The following NLRP2 variants were observed in gnomAD, a reference collection of about 807,000 sequenced individuals.
NLRP2 encodes NACHT, LRR and PYD domains-containing protein 2.
In NLRP2, 107 loss-of-function variants were observed where a neutral mutation model predicts 97.2. That is an observed-to-expected ratio of 1.10 (90% CI 0.94 to 1.29). The LOEUF (loss-of-function observed/expected upper bound fraction) is 1.29, where lower values mean the gene tolerates loss of function less well. Ranked by LOEUF, NLRP2 falls within the 50% of genes most tolerant of loss-of-function variation. NLRP2 has a pLI of 0.00. For synonymous variants in NLRP2, 663 were observed against 551.5 expected, an observed-to-expected ratio of 1.20 and a Z score of -2.83; for missense variants, 1,495 against 1,330.3, an observed-to-expected ratio of 1.12 and a Z score of -1.93.
chr19:54,992,435 A>G (rs2072533809), intron 10 of NLRP2, among the ~76,000 whole-genome samples: 1 of 148,872 alleles, frequency 6.7e-6, no homozygotes, highest in Non-Finnish European at 1.5e-5. Flanking sequence ...AAGAAGTCCC[A>G]CAAGCAGTGA....
rs1207162274 is a variant in NLRP2, at chr19:54,970,115, T to C, written c.100T>C (p.Ser34Pro). ...GTTCAAGTATCTGATCACGACCTTCTCCCTGGCACACGAGCTCCAGAAGAT... is the reference window on the plus strand; with the variant it reads ...GTTCAAGTATCTGATCACGACCTTCCCCCTGGCACACGAGCTCCAGAAGAT... ...SKFKYLITTFSLAHELQKIPH... is the reference protein window; with the variant it reads ...SKFKYLITTFPLAHELQKIPH... The change falls in exon 2 of 13, where the codon TCC (serine) becomes CCC (proline). Residue 34 changes from serine (S) to proline (P), a missense_variant. Coordinates refer to ENST00000448584, the MANE Select transcript of NLRP2 (RefSeq NM_017852.5). 1.9e-6 allele frequency: 3 copies of C among 1,613,910 alleles called. No individual in the cohort carries two copies. The South Asian group carries it at 3.3e-5, about 18-fold the overall frequency.
rs1602317246 is a variant in NLRP2, at chr19:54,974,495, T to C, written c.281-5T>C. ...GCAAAATTTTCCCCCCTTCTCCTTT[T>C]TCAGAAGCAGCTTTGAAATCCTTTA... On this transcript the variant is annotated splice_polypyrimidine_tract_variant and splice_region_variant and intron_variant, in intron 2 of 12. Coordinates refer to ENST00000448584, the MANE Select transcript of NLRP2 (RefSeq NM_017852.5). 1 of 1,611,130 alleles carries C rather than the reference T, an allele frequency of 6.2e-7. No homozygotes were observed. The highest frequency in any genetic ancestry group is 8.5e-7 in the Non-Finnish European group (1 of 1,177,292).
In NLRP2 at chr19:54,983,497, C is replaced by A. The variant is rs1455841338; in HGVS notation, c.1799C>A (p.Thr600Lys). 1 of 1,614,196 alleles carries A rather than the reference C, an allele frequency of 6.2e-7. No homozygotes were observed. Among genetic ancestry groups the A allele is most frequent in the Admixed American group, 1.7e-5 (1 of 60,002 alleles). The change falls in exon 6 of 13, where the codon ACA becomes AAA. Residue 600 changes from threonine to lysine, a missense_variant. Physicochemically the swap from Thr to Lys is moderately conservative, Grantham distance 78. Transcript: ENST00000448584. Reference protein sequence around the residue: ...ISCKGGHSTVTDLQELLGCLY... With the variant: ...ISCKGGHSTVKDLQELLGCLY... Reference sequence around the variant, plus strand: ...TGTAAGGGTGGACATTCAACGGTGACAGACCTGCAGGAGCTCCTCGGCTGT... The same window carrying A: ...TGTAAGGGTGGACATTCAACGGTGAAAGACCTGCAGGAGCTCCTCGGCTGT...
intron 2 of NLRP2, among the ~76,000 whole-genome samples, chr19:54,970,810 T>C (rs185351045): frequency 2.5e-3 from 350 of 142,836 alleles, no homozygotes; most frequent in Non-Finnish European, 3.8e-3. Context: ...TTTTATTTTT[T>C]ATTTTATTAT....
intron 2 of NLRP2, 86 bp from the exon 3 acceptor site, chr19:54,974,414 C>A: frequency 2.1e-6 from 2 of 960,302 alleles, no homozygotes; most frequent in Non-Finnish European, 3.4e-6. Context: ...TGATCCAGTT[C>A]TAAGTGTCAT....
intron 9 of NLRP2, 49 bp downstream of exon 9, chr19:54,990,241 A>G (rs529074058): frequency 2.3e-5 from 36 of 1,581,618 alleles, no homozygotes; most frequent in Non-Finnish European, 2.3e-5. Context: ...ATCTGGGGCC[A>G]CAGACGAGCA....
chr19:54,978,093 CTGT>C (rs1602338247), intron 4 of NLRP2, among the ~76,000 whole-genome samples: 1 of 152,098 alleles, frequency 6.6e-6, no homozygotes, highest in African/African-American at 2.4e-5. Flanking sequence ...GACAGTTTCT[CTGT>C]TGGCCAGGTT....
At chr19:54,997,829 G>C (rs1263333510) in intron 12 of NLRP2, among the ~76,000 whole-genome samples, 1 of 146,088 alleles carries the variant, frequency 6.8e-6, no homozygotes, top group Non-Finnish European at 1.5e-5. Flanking sequence ...CACAATGATG[G>C]CTCGCTGCAG....
chr19:54,970,826 T>G (rs1333777713), intron 2 of NLRP2, among the ~76,000 whole-genome samples: 1 of 148,164 alleles, frequency 6.7e-6, no homozygotes, highest in Non-Finnish European at 1.5e-5. Context: ...ATTATTATTA[T>G]TTTTTTTATT....
At chr19:54,996,149 GTGAGCCAAGATGGC>G (rs1373750128) in intron 11 of NLRP2, among the ~76,000 whole-genome samples, 1 of 152,004 alleles carries the variant, frequency 6.6e-6, no homozygotes, top group Non-Finnish European at 1.5e-5. Context: ...CAAGGCTGCA[GTGAGCCAAGATGGC>G]GTTACCACAC....
chr19:54,991,002 T>C, intron 10 of NLRP2: 1 of 381,626 alleles, frequency 2.6e-6, no homozygotes, highest in Non-Finnish European at 4.8e-6. Context: ...TCTGCCTGCC[T>C]TGGCCTCCCA....
chr19:54,972,055 G>A (rs1216293476), intron 2 of NLRP2, among the ~76,000 whole-genome samples: 2 of 148,420 alleles, frequency 1.3e-5, no homozygotes, highest in Admixed American at 6.9e-5. Flanking sequence ...TGTTAGCCAG[G>A]ATAGTCTCGA....
At chr19:54,976,405 G>A (rs1321317395) in intron 3 of NLRP2, among the ~76,000 whole-genome samples, 1 of 151,122 alleles carries the variant, frequency 6.6e-6, no homozygotes, top group Non-Finnish European at 1.5e-5. Context: ...AGGCTGGAGT[G>A]CAGTGGTACA....
chr19:54,983,410 C>T lies in NLRP2; in HGVS notation c.1712C>T (p.Ala571Val), dbSNP rs2071784004. ...GAGAAGAGAGCCAAGGAGTTGGAGG[C>T]CACTTTTGGCTGCCGGATGTCACCG... Reference protein sequence around the residue: ...ANEKRAKELEATFGCRMSPDI... With the variant: ...ANEKRAKELEVTFGCRMSPDI... Residue 571 changes from alanine to valine, a missense_variant, in exon 6 of 13, where the codon GCC becomes GTC. Coordinates refer to ENST00000448584, the MANE Select transcript of NLRP2 (RefSeq NM_017852.5). 1.2e-6 allele frequency: 2 copies of T among 1,614,170 alleles called. No homozygotes were observed. The highest frequency in any genetic ancestry group is 1.7e-6 in the Non-Finnish European group (2 of 1,180,034).
At chr19:54,984,325 T>C (rs867144533) in intron 6 of NLRP2, among the ~76,000 whole-genome samples, 1 of 102,684 alleles carries the variant, frequency 9.7e-6, no homozygotes, top group East Asian at 2.7e-4. Flanking sequence ...GGGTTTTTTT[T>C]TGTGTTTTTT....
chr19:54,968,594 G>A (rs375843039), intron 1 of NLRP2, among the ~76,000 whole-genome samples: 304 of 151,644 alleles, frequency 2.0e-3, no homozygotes, highest in Middle Eastern at 0.01. Flanking sequence ...TTCCCAAAGT[G>A]TTTGGGGTTC....
chr19:54,977,636 C>T, intron 3 of NLRP2, 116 bp from the exon 4 acceptor site: 1 of 952,656 alleles, frequency 1.0e-6, no homozygotes, highest in Non-Finnish European at 1.7e-6. Flanking sequence ...TTATCAACGT[C>T]CTTTTTAGTA....
intron 7 of NLRP2, among the ~76,000 whole-genome samples, chr19:54,985,429 A>C (rs1460470401): frequency 6.6e-6 from 1 of 152,012 alleles, no homozygotes; most frequent in Non-Finnish European, 1.5e-5. Context: ...TGTAATTCCA[A>C]CACTTCGGGA....
chr19:54,989,207 C>T (rs929757597), intron 8 of NLRP2, among the ~76,000 whole-genome samples: 37 of 151,662 alleles, frequency 2.4e-4, no homozygotes, highest in Admixed American at 1.7e-3. Flanking sequence ...CTGCCCACCT[C>T]GGCCTCCCAA....
Sources: gnomAD v4.1 joint callset for allele counts (sites outside exome capture counted in the v4.1 genomes callset) on GRCh38, gnomAD v4.1.1 for gene constraint, MANE v1.5 for transcripts, NCBI Gene and HGNC (gene_info 2026-07-23, HGNC 2026-07-21) for gene names.